The following TRRAP variants were observed in gnomAD, a reference collection of about 807,000 sequenced individuals.
TRRAP encodes transformation/transcription domain associated protein.
In TRRAP, 41 loss-of-function variants were observed where a neutral mutation model predicts 438.8. The ratio of observed to expected loss-of-function variants is 0.09; its 90% CI spans 0.07 to 0.12. The LOEUF (loss-of-function observed/expected upper bound fraction) is 0.12, where lower values mean the gene tolerates loss of function less well. TRRAP is among the 10% of genes least tolerant of loss of function. The probability of loss-of-function intolerance (pLI) is 1.00; values close to 1 mark genes in which losing one functional copy is unlikely to be tolerated. For synonymous variants in TRRAP, 1,994 were observed against 1,962.9 expected (o/e 1.02, Z -0.42); for missense variants, 3,122 against 5,055.1 (o/e 0.62, Z 11.60).
chr7:98,958,154 C>T (rs1791712507), intron 44 of TRRAP, 63 bp downstream of exon 44: 2 of 1,401,816 alleles, frequency 1.4e-6, no homozygotes, highest in South Asian at 1.3e-5. Flanking sequence ...ACTAACACCC[C>T]AGGAGGTTAT....
intron 5 of TRRAP, among the ~76,000 whole-genome samples, chr7:98,892,958 CT>C (rs1232286542): frequency 2.7e-4 from 40 of 147,078 alleles, no homozygotes; most frequent in African/African-American, 4.2e-4. Context: ...CTTAGTCTTT[CT>C]TTTTTTTTTT....
At chr7:98,910,489 A>T (rs1374473546) in intron 15 of TRRAP, 21 bp from the exon 16 acceptor site, 7 of 1,613,844 alleles carry the variant, frequency 4.3e-6, no homozygotes, top group Non-Finnish European at 4.2e-6. Context: ...AAGTTAACTT[A>T]ATATACTTTC....
chr7:98,902,252 C>T (rs139550064), intron 11 of TRRAP, among the ~76,000 whole-genome samples: 1 of 152,286 alleles, frequency 6.6e-6, no homozygotes, highest in African/African-American at 2.4e-5. Flanking sequence ...GGGTGCTTTT[C>T]TGAGGAGACT....
Position 98,971,819 on chromosome 7 carries a change from A to G in TRRAP, c.7713A>G (p.Glu2571=), listed in dbSNP as rs774076439. 1.4e-5 allele frequency: 22 copies of G among 1,614,140 alleles called. No individual in the cohort carries two copies. The East Asian group carries it at 4.7e-4, about 34-fold the overall frequency. Residue 2571 remains glutamate (E), a synonymous_variant, in exon 53 of 73, where the codon GAA becomes GAG. Coordinates refer to ENST00000456197, the MANE Select transcript of TRRAP (RefSeq NM_001375524.1). ...SKEEDVEIDI[E]LAPGDQTSTP... ...CTTAGGATGTAGAGATAGACATCGA[A>G]CTAGCTCCTGGGGATCAGACCAGCA...
intron 64 of TRRAP, among the ~76,000 whole-genome samples, chr7:98,991,310 G>A (rs1197297384): frequency 4.6e-5 from 7 of 152,210 alleles, no homozygotes; most frequent in East Asian, 1.9e-4. Flanking sequence ...GCAGGAGTCC[G>A]TGAAGGTGTT....
chr7:99,001,532 AT>A (rs1793919417), intron 67 of TRRAP, among the ~76,000 whole-genome samples: 1 of 145,272 alleles, frequency 6.9e-6, no homozygotes. Context: ...CTGGCTTTTG[AT>A]GTAAAAAAAA....
intron 21 of TRRAP, among the ~76,000 whole-genome samples, chr7:98,923,394 G>A (rs1329250786): frequency 3.9e-5 from 6 of 152,134 alleles, no homozygotes; most frequent in African/African-American, 7.2e-5. Flanking sequence ...CCATCCTGCC[G>A]GCACTGGCTG....
intron 18 of TRRAP, among the ~76,000 whole-genome samples, chr7:98,914,659 G>C (rs1413686413): frequency 8.1e-6 from 1 of 123,916 alleles, no homozygotes; most frequent in Non-Finnish European, 1.6e-5. Context: ...AGGTCACAGT[G>C]AGCCAAGATT....
chr7:98,975,886 C>A, intron 53 of TRRAP: 1 of 413,908 alleles, frequency 2.4e-6, no homozygotes, highest in East Asian at 4.2e-5. Context: ...TTAAGAAACC[C>A]CCTTAAAAAC....
chr7:98,918,733 T>C (rs1416353446), intron 20 of TRRAP, among the ~76,000 whole-genome samples: 5 of 152,098 alleles, frequency 3.3e-5, no homozygotes, highest in Admixed American at 1.3e-4. Flanking sequence ...GGAGGTTGTT[T>C]TGAAAACACT....
rs782386735 is a variant in TRRAP, at chr7:98,921,772, G to A, written c.2642G>A (p.Arg881His). 15 of 1,614,026 alleles carry A rather than the reference G, an allele frequency of 9.3e-6. No individual in the cohort carries two copies. Among genetic ancestry groups the A allele is most frequent in the South Asian group, 6.6e-5 (6 of 91,082 alleles). ...TTTCAGGCTCTGTGGCGCACCTTACGCAACCCTGCTGACAGCATCTCCCAC... is the reference window on the plus strand; with the variant it reads ...TTTCAGGCTCTGTGGCGCACCTTACACAACCCTGCTGACAGCATCTCCCAC... ...ELMQALWRTL[R>H]NPADSISHVA... Residue 881 changes from arginine (R) to histidine (H), a missense_variant, in exon 21 of 73, where the codon CGC (arginine) becomes CAC (histidine). By Grantham distance (29) the Arg-to-His change is conservative. Transcript: ENST00000456197.
At chr7:99,009,067 G>GAGCC (rs1440544264) in intron 70 of TRRAP, among the ~76,000 whole-genome samples, 4 of 152,198 alleles carry the variant, frequency 2.6e-5, no homozygotes, top group Non-Finnish European at 4.4e-5. Context: ...TCGGTTGCCT[G>GAGCC]AGCCCGGAGC....
At position 98,937,912 on chromosome 7, in the gene TRRAP, C is replaced by T. The variant is rs907081764; in HGVS notation, c.4404+92C>T. ...TAATGCAGCTGGGCACAGTGGTTCA[C>T]GCCTGTAATCCCAGCACTTTGGGAG... On this transcript the variant is annotated intron_variant, in intron 30 of 72. Coordinates refer to ENST00000456197, the MANE Select transcript of TRRAP (RefSeq NM_001375524.1). 2.6e-5 allele frequency: 35 copies of T among 1,360,006 alleles called. No individual in the cohort carries two copies. The Admixed American group carries it at 3.4e-4, about 13-fold the overall frequency. 84.2% of individuals were successfully genotyped at this position (1,360,006 alleles called of 1,614,324 possible).
intron 3 of TRRAP, among the ~76,000 whole-genome samples, chr7:98,885,674 A>T (rs1207759464): frequency 6.6e-6 from 1 of 152,014 alleles, no homozygotes; most frequent in Non-Finnish European, 1.5e-5. Context: ...TAAAATATAT[A>T]TATATATATA....
intron 67 of TRRAP, among the ~76,000 whole-genome samples, chr7:99,002,813 G>T (rs1793993015): frequency 6.6e-6 from 1 of 152,214 alleles, no homozygotes; most frequent in African/African-American, 2.4e-5. Context: ...TCAGGAATAG[G>T]CCACTCGTAT....
At chr7:98,884,741 G>C (rs1554403702) in intron 3 of TRRAP, among the ~76,000 whole-genome samples, 1 of 152,098 alleles carries the variant, frequency 6.6e-6, no homozygotes. Context: ...CAGCTCAGCA[G>C]GCCCTGACCC....
intron 17 of TRRAP, among the ~76,000 whole-genome samples, chr7:98,911,627 G>A (rs186181135): frequency 2.6e-5 from 4 of 152,230 alleles, no homozygotes; most frequent in African/African-American, 7.2e-5. Flanking sequence ...TTAGCTGGGT[G>A]TGGTGGCACA....
At chr7:98,909,512 G>A (rs1042125615) in intron 14 of TRRAP, among the ~76,000 whole-genome samples, 4 of 152,166 alleles carry the variant, frequency 2.6e-5, no homozygotes, top group African/African-American at 4.8e-5. Flanking sequence ...ATCAGGCAGC[G>A]CTTGAAAGCT....
In TRRAP at chr7:98,953,388, G is replaced by A. The variant is rs368006198; in HGVS notation, c.5685G>A (p.Ala1895=). ...AGTACAGCGGACACTTGCTCCTGGC[G>A]CACATTATCGCCAAATTCGCCATAC... ...ACKYSGHLLL[A]HIIAKFAIHK... Residue 1895 remains alanine, a synonymous_variant, in exon 40 of 73, where the codon GCG becomes GCA. Transcript: ENST00000456197. The A allele has an allele frequency of 3.7e-5, 59 of 1,613,204 alleles. No homozygotes were observed. In the African/African-American group the frequency reaches 4.0e-4, roughly 11 times the overall value.
Sources: allele counts gnomAD v4.1 joint callset (sites outside exome capture counted in the v4.1 genomes callset), GRCh38; gene constraint gnomAD v4.1.1; transcripts MANE v1.5; gene names NCBI Gene and HGNC (gene_info 2026-07-23, HGNC 2026-07-21).